Variants in HSPA12A observed in about 807,000 individuals in gnomAD.
The protein encoded by HSPA12A is heat shock 70 kDa protein 12A.
A neutral mutation model predicts 69.2 loss-of-function variants in HSPA12A; 28 were observed. The ratio of observed to expected loss-of-function variants is 0.40; its 90% CI spans 0.30 to 0.55. The LOEUF (loss-of-function observed/expected upper bound fraction) is 0.55. Among genes scored for constraint, HSPA12A ranks in the 20% least tolerant of loss-of-function variants. The pLI is 0.38. For missense variants in HSPA12A, 686 were observed against 900.7 expected, an observed-to-expected ratio of 0.76 and a Z score of 3.05; for synonymous variants, 345 against 370.5, an observed-to-expected ratio of 0.93 and a Z score of 0.79.
chr10:116,755,902 G>A (rs1554888728), intron 2 of HSPA12A, among the ~76,000 whole-genome samples: 1 of 151,960 alleles, frequency 6.6e-6, no homozygotes, highest in African/African-American at 2.4e-5. Flanking sequence ...GAAGTGGGAG[G>A]ATCACCTGAG....
chr10:116,750,982 G>T (rs1398999893), intron 2 of HSPA12A, among the ~76,000 whole-genome samples: 1 of 151,500 alleles, frequency 6.6e-6, no homozygotes, highest in Non-Finnish European at 1.5e-5. Context: ...GAGGAAGGAA[G>T]AAGGACGAGG....
At chr10:116,842,883 A>G (rs1845825970) in intron 1 of HSPA12A, among the ~76,000 whole-genome samples, 1 of 152,142 alleles carries the variant, frequency 6.6e-6, no homozygotes, top group Non-Finnish European at 1.5e-5. Context: ...GTGAGCCACC[A>G]CACCCAGCCA....
At chr10:116,689,852 A>C (rs1265245578) in intron 6 of HSPA12A, among the ~76,000 whole-genome samples, 1 of 151,118 alleles carries the variant, frequency 6.6e-6, no homozygotes, top group Admixed American at 6.6e-5. Flanking sequence ...TGCAGGAGGA[A>C]CTCCCGCTTA....
At chr10:116,778,435 G>C (rs1844389486) in intron 2 of HSPA12A, among the ~76,000 whole-genome samples, 1 of 152,204 alleles carries the variant, frequency 6.6e-6, no homozygotes, top group African/African-American at 2.4e-5. Flanking sequence ...TGACACGGAT[G>C]GGGAGATGAG....
At chr10:116,817,198 A>G (rs1294867294) in intron 2 of HSPA12A, among the ~76,000 whole-genome samples, 5 of 152,092 alleles carry the variant, frequency 3.3e-5, no homozygotes, top group African/African-American at 4.8e-5. Context: ...CCGGGGATTT[A>G]GAACAGAAAC....
chr10:116,682,168 T>C (rs921443847), intron 7 of HSPA12A, among the ~76,000 whole-genome samples: 3 of 152,262 alleles, frequency 2.0e-5, no homozygotes, highest in African/African-American at 7.2e-5. Flanking sequence ...ATTATCCCCA[T>C]TTTCCACGTG....
At chr10:116,747,314 T>G (rs1341450551), upstream of HSPA12A, among the ~76,000 whole-genome samples, 1 of 152,232 alleles carries the variant, frequency 6.6e-6, no homozygotes, top group Non-Finnish European at 1.5e-5. Flanking sequence ...AAATGCCTTC[T>G]CAGGTAATGG....
Position 116,750,497 on chromosome 10 carries a change from A to G in HSPA12A, c.92-43212T>C, listed in dbSNP as rs1220201450. 12 of 491,362 alleles carry G rather than the reference A, an allele frequency of 2.4e-5. No individual in the cohort carries two copies. In the East Asian group the frequency reaches 4.6e-4, roughly 19 times the overall value. The allele number at this position is 491,362 out of a possible 1,614,324, so 30.4% of individuals were successfully genotyped here. A position where few individuals can be genotyped will look rare whatever the true frequency, so the allele number is the denominator to read the frequency against. ...TGCAGAAGTGCATCGAAAGCACATCATCAGTCAGAATGTCGTGGATTATAC... is the reference window on the plus strand; with the variant it reads ...TGCAGAAGTGCATCGAAAGCACATCGTCAGTCAGAATGTCGTGGATTATAC... On this transcript the variant is annotated intron_variant, in intron 2 of 12. Transcript: ENST00000635765.
At chr10:116,838,560 T>G (rs1167259719) in intron 1 of HSPA12A, among the ~76,000 whole-genome samples, 1 of 152,202 alleles carries the variant, frequency 6.6e-6, no homozygotes, top group South Asian at 2.1e-4. Context: ...TTATTTGTAC[T>G]TGATGCAAGA....
At chr10:116,685,545 G>A (rs1270500043) in intron 6 of HSPA12A, among the ~76,000 whole-genome samples, 1 of 151,334 alleles carries the variant, frequency 6.6e-6, no homozygotes, top group East Asian at 2.0e-4. Flanking sequence ...TGAGGCAGGA[G>A]AAATGCTTGA....
intron 8 of HSPA12A, 147 bp downstream of exon 8, chr10:116,681,644 C>T (rs1442445889): frequency 4.6e-6 from 3 of 654,216 alleles, no homozygotes; most frequent in Non-Finnish European, 8.1e-6. Context: ...AATTACAGCT[C>T]CCAAAAGAGC....
rs1014764934 is a variant in HSPA12A at position 116,680,115 on chromosome 10, C to T, written c.1028-354G>A. On this transcript the variant is annotated intron_variant, in intron 9 of 11. Transcript: ENST00000369209. Reference sequence around the variant, plus strand: ...AAGTGATTCTCCTGCTTCAGCCTCCCGAGTAGCTGAGATACAGGCACGCAC... The same window carrying T: ...AAGTGATTCTCCTGCTTCAGCCTCCTGAGTAGCTGAGATACAGGCACGCAC... 2.4e-4 allele frequency among the ~76,000 whole-genome samples: 37 copies of T among 152,108 alleles called. 1 individual carries two copies. The highest frequency in any genetic ancestry group is 6.5e-4 in the African/African-American group (27 of 41,488).
At chr10:116,790,153 C>T (rs752042441) in intron 2 of HSPA12A, among the ~76,000 whole-genome samples, 9 of 134,730 alleles carry the variant, frequency 6.7e-5, no homozygotes, top group Non-Finnish European at 1.4e-4. Context: ...CCAGGCCGGA[C>T]TGCAGTGGCG....
At chr10:116,720,998 T>C (rs1349282355) in intron 1 of HSPA12A, among the ~76,000 whole-genome samples, 1 of 152,182 alleles carries the variant, frequency 6.6e-6, no homozygotes, top group African/African-American at 2.4e-5. Context: ...ACAGCAGACT[T>C]CCATGTCAGA....
intron 1 of HSPA12A, among the ~76,000 whole-genome samples, chr10:116,716,585 T>C (rs1406207815): frequency 3.3e-5 from 5 of 152,166 alleles, no homozygotes; most frequent in Non-Finnish European, 7.3e-5. Context: ...CAAGCAGTCA[T>C]ACGTGGGCTG....
upstream of HSPA12A, among the ~76,000 whole-genome samples, chr10:116,743,225 T>A (rs1161635772): frequency 6.6e-6 from 1 of 152,188 alleles, no homozygotes; most frequent in African/African-American, 2.4e-5. Flanking sequence ...AGCTGGGCCC[T>A]CCTTAGAAGT....
intron 11 of HSPA12A, among the ~76,000 whole-genome samples, chr10:116,676,187 C>T (rs568713849): frequency 1.7e-4 from 26 of 152,338 alleles, no homozygotes; most frequent in African/African-American, 6.3e-4. Context: ...AAGCTCTCAG[C>T]AGCTTTGCAG....
At chr10:116,775,471 T>C (rs1448456051) in intron 2 of HSPA12A, among the ~76,000 whole-genome samples, 2 of 152,094 alleles carry the variant, frequency 1.3e-5, no homozygotes, top group African/African-American at 4.8e-5. Flanking sequence ...GCCAATGTAT[T>C]TTCTAGAAAC....
chr10:116,755,609 C>CAAAAAAAA (rs1204991661), intron 2 of HSPA12A, among the ~76,000 whole-genome samples: 1 of 46,006 alleles, frequency 2.2e-5, no homozygotes, highest in African/African-American at 8.2e-5. Context: ...GAGACTGTCT[C>CAAAAAAAA]AAAAAAAAAA....
Sources: allele counts gnomAD v4.1 joint callset (sites outside exome capture counted in the v4.1 genomes callset), GRCh38; gene constraint gnomAD v4.1.1; transcripts MANE v1.5; gene names NCBI Gene and HGNC (gene_info 2026-07-23, HGNC 2026-07-21).